ERICH1: variants seen among roughly 807,000 people sequenced by gnomAD.
ERICH1 encodes glutamate-rich protein 1.
A neutral mutation model predicts 39.6 loss-of-function variants in ERICH1; 56 were observed. That is an observed-to-expected ratio of 1.41 (90% CI 1.14 to 1.77). ERICH1 has a LOEUF of 1.77. Ranked by LOEUF, ERICH1 falls within the 40% of genes most tolerant of loss-of-function variation. ERICH1 has a pLI of 0.00. For missense variants in ERICH1, 826 were observed against 575.4 expected (o/e 1.44, Z -4.45); for synonymous variants, 313 against 223.6 (o/e 1.40, Z -3.57).
chr8:667,266 C>T (rs1802400489), intron 5 of ERICH1: 1 of 153,090 alleles, frequency 6.5e-6, no homozygotes, highest in African/African-American at 2.4e-5. Context: ...CGGGCTCCTC[C>T]CATGTGCCTG....
At chr8:710,633 C>G (rs926477711) in intron 2 of ERICH1, among the ~76,000 whole-genome samples, 1 of 152,236 alleles carries the variant, frequency 6.6e-6, no homozygotes, top group Non-Finnish European at 1.5e-5. Flanking sequence ...CAATGTGTAG[C>G]CTTTTCAGAT....
chr8:631,045 C>T (rs115495358), intron 3 of ERICH1, among the ~76,000 whole-genome samples: 30 of 150,708 alleles, frequency 2.0e-4, no homozygotes, highest in African/African-American at 7.3e-4. Flanking sequence ...TGACCACCCA[C>T]CACCCACATT....
intron 3 of ERICH1, among the ~76,000 whole-genome samples, chr8:684,573 G>C (rs368669920): frequency 6.6e-6 from 1 of 152,066 alleles, no homozygotes; most frequent in Non-Finnish European, 1.5e-5. Context: ...AGAAGAGGGG[G>C]GCTCTGAAGC....
rs185385532 is a variant in ERICH1 at position 631,933 on chromosome 8, C to T, written c.977-16649G>A. 2.7e-4 allele frequency among the ~76,000 whole-genome samples: 41 copies of T among 152,242 alleles called. No individual in the cohort carries two copies. The East Asian group carries it at 5.4e-3, about 20-fold the overall frequency. ...TTAAAGCCCATTCTCCGCTCTGGAA[C>T]GCAAACCCTCCTCTTTTCCCAAAGG... On this transcript the variant is annotated intron_variant, in intron 3 of 3. Coordinates refer to the ERICH1 transcript ENST00000522706.
intron 1 of ERICH1, among the ~76,000 whole-genome samples, chr8:730,306 A>T (rs899965680): frequency 1.3e-5 from 2 of 152,136 alleles, no homozygotes; most frequent in Non-Finnish European, 2.9e-5. Context: ...TCACTGAGAA[A>T]TTTTTTCTTT....
At chr8:699,411 G>C (rs1811157362) in intron 2 of ERICH1, among the ~76,000 whole-genome samples, 1 of 152,046 alleles carries the variant, frequency 6.6e-6, no homozygotes, top group African/African-American at 2.4e-5. Flanking sequence ...GTATCAATGC[G>C]AGGCCACAAT....
At chr8:699,301 C>G (rs562429329) in intron 2 of ERICH1, among the ~76,000 whole-genome samples, 1 of 152,122 alleles carries the variant, frequency 6.6e-6, no homozygotes, top group African/African-American at 2.4e-5. Context: ...GAGCGCCAGC[C>G]CCACCAGAGG....
At chr8:635,305 T>C (rs1023869212) in intron 3 of ERICH1, among the ~76,000 whole-genome samples, 7 of 152,318 alleles carry the variant, frequency 4.6e-5, no homozygotes, top group African/African-American at 1.7e-4. Context: ...AAGTCTGTGA[T>C]GGAGCCCCCC....
intron 3 of ERICH1, chr8:626,564 T>A (rs1231246641): frequency 6.4e-6 from 1 of 157,098 alleles, no homozygotes; most frequent in Non-Finnish European, 1.4e-5. Context: ...CTGAACACAG[T>A]TCAGAGACAC....
intron 3 of ERICH1, among the ~76,000 whole-genome samples, chr8:689,672 T>C (rs1808456424): frequency 6.6e-6 from 1 of 152,156 alleles, no homozygotes; most frequent in Non-Finnish European, 1.5e-5. Flanking sequence ...CTGGACTTGT[T>C]TCCGGCACCG....
At chr8:657,705 T>C (rs1375262922) in intron 3 of ERICH1, among the ~76,000 whole-genome samples, 1 of 151,740 alleles carries the variant, frequency 6.6e-6, no homozygotes. Context: ...GCCCTTTTCA[T>C]CAGGAGTGAG....
chr8:727,476 C>A lies in ERICH1; in HGVS notation c.22+3664G>T, dbSNP rs557744951. Among the ~76,000 whole-genome samples the A allele has an allele frequency of 1.3e-3, 198 of 152,320 alleles. 1 individual carries two copies. Among genetic ancestry groups the A allele is most frequent in the East Asian group, 5.2e-3 (27 of 5,172 alleles). ...TGCTCACAGCAAGGCACTGGCAGCTCCAACTTCATCTGAGGAGTCTCAGGA... is the reference window on the plus strand; with the variant it reads ...TGCTCACAGCAAGGCACTGGCAGCTACAACTTCATCTGAGGAGTCTCAGGA... On this transcript the variant is annotated intron_variant, in intron 1 of 5. Transcript: ENST00000262109.
chr8:619,556 G>T (rs1480492319), intron 3 of ERICH1, among the ~76,000 whole-genome samples: 2 of 152,008 alleles, frequency 1.3e-5, no homozygotes, highest in Non-Finnish European at 2.9e-5. Context: ...ATCCACCGGG[G>T]GAAGAAAAGA....
chr8:678,415 A>C (rs1036361168), intron 3 of ERICH1, among the ~76,000 whole-genome samples: 3 of 152,228 alleles, frequency 2.0e-5, no homozygotes, highest in African/African-American at 2.4e-5. Context: ...GAAAAGTACA[A>C]TTTAGCCAAT....
At chr8:649,611 T>A (rs971496336) in intron 3 of ERICH1, among the ~76,000 whole-genome samples, 2 of 151,616 alleles carry the variant, frequency 1.3e-5, no homozygotes, top group African/African-American at 4.8e-5. Flanking sequence ...GGGAGGGGGA[T>A]TGGGGTGGGG....
At chr8:730,984 G>A (rs553011148) in intron 1 of ERICH1, among the ~76,000 whole-genome samples, 156 bp downstream of exon 1, 1 of 152,242 alleles carries the variant, frequency 6.6e-6, no homozygotes, top group Admixed American at 6.5e-5. Context: ...GGTAAGAGCG[G>A]GGGATGGGTA....
chr8:660,101 C>A (rs1801193757), downstream of ERICH1, among the ~76,000 whole-genome samples: 1 of 152,104 alleles, frequency 6.6e-6, no homozygotes, highest in Admixed American at 6.5e-5. Context: ...CTCCCGAAGG[C>A]AGGGCCTTCC....
intron 3 of ERICH1, 46 bp downstream of exon 3, chr8:692,432 G>A: frequency 6.2e-7 from 1 of 1,612,316 alleles, no homozygotes. Flanking sequence ...GGAAATACGA[G>A]CTTATCTGCA....
At chr8:677,866 A>G (rs1805209008) in intron 3 of ERICH1, among the ~76,000 whole-genome samples, 1 of 151,990 alleles carries the variant, frequency 6.6e-6, no homozygotes, top group Non-Finnish European at 1.5e-5. Context: ...AATGCTGCTC[A>G]TCACCCCCCA....
Sources: allele counts gnomAD v4.1 joint callset (sites outside exome capture counted in the v4.1 genomes callset), GRCh38; gene constraint gnomAD v4.1.1; transcripts MANE v1.5; gene names NCBI Gene and HGNC (gene_info 2026-07-23, HGNC 2026-07-21).